The following NRG1 variants were observed in gnomAD, a reference collection of about 807,000 sequenced individuals.
NRG1 encodes pro-neuregulin-1, membrane-bound isoform.
Under a neutral mutation model 63.8 loss-of-function variants are expected in NRG1, and 18 were observed. That is an observed-to-expected ratio of 0.28 (90% CI 0.19 to 0.42). The LOEUF (loss-of-function observed/expected upper bound fraction) is 0.42, where lower values mean the gene tolerates loss of function less well. Among genes scored for constraint, NRG1 ranks in the 10% least tolerant of loss-of-function variants. The probability of loss-of-function intolerance (pLI) is 1.00; values close to 1 mark genes in which losing one functional copy is unlikely to be tolerated. For synonymous variants in NRG1, 302 were observed against 301.3 expected, an observed-to-expected ratio of 1.00 and a Z score of -0.02; for missense variants, 762 against 814.7, an observed-to-expected ratio of 0.94 and a Z score of 0.79.
chr8:31,975,943 C>A (rs999053134), intron 1 of NRG1, among the ~76,000 whole-genome samples: 4 of 152,050 alleles, frequency 2.6e-5, no homozygotes, highest in African/African-American at 9.7e-5. Flanking sequence ...GTTTCCTTTG[C>A]AATTGATTCC....
chr8:32,053,867 A>G (rs1254876055), intron 1 of NRG1, among the ~76,000 whole-genome samples: 1 of 152,198 alleles, frequency 6.6e-6, no homozygotes, highest in African/African-American at 2.4e-5. Context: ...TGTTTGTGGG[A>G]CAGCACAAAC....
chr8:31,899,111 T>C (rs1316948674), intron 1 of NRG1, among the ~76,000 whole-genome samples: 1 of 43,700 alleles, frequency 2.3e-5, no homozygotes, highest in Non-Finnish European at 4.9e-5. Context: ...TAAGTTTCCT[T>C]TTTTTTTTTT....
At chr8:31,740,540 T>G (rs754242968) in intron 1 of NRG1, among the ~76,000 whole-genome samples, 93 of 152,172 alleles carry the variant, frequency 6.1e-4, no homozygotes, top group Non-Finnish European at 4.4e-4. Flanking sequence ...AAGGCCATAC[T>G]TAACCAAAAT....
intron 1 of NRG1, among the ~76,000 whole-genome samples, chr8:32,519,514 T>C (rs2129505068): frequency 6.6e-6 from 1 of 152,086 alleles, no homozygotes; most frequent in South Asian, 2.1e-4. Flanking sequence ...AATAATGAGA[T>C]TATACGCAAG....
At chr8:31,761,889 G>A (rs1817598039) in intron 1 of NRG1, among the ~76,000 whole-genome samples, 1 of 152,108 alleles carries the variant, frequency 6.6e-6, no homozygotes, top group Admixed American at 6.6e-5. Flanking sequence ...AGATTTAATA[G>A]GTAAAAAATA....
chr8:32,520,125 C>T (rs917511049), intron 1 of NRG1, among the ~76,000 whole-genome samples: 1 of 152,080 alleles, frequency 6.6e-6, no homozygotes, highest in Non-Finnish European at 1.5e-5. Flanking sequence ...CTGGTGTGAA[C>T]TTGGAGAGCT....
intron 1 of NRG1, among the ~76,000 whole-genome samples, chr8:31,866,271 G>A (rs548000565): frequency 6.6e-6 from 1 of 152,174 alleles, no homozygotes; most frequent in Non-Finnish European, 1.5e-5. Context: ...GTTGAGAGGG[G>A]ACTGAGGAAA....
chr8:32,455,927 G>A (rs972095073), intron 1 of NRG1, among the ~76,000 whole-genome samples: 7 of 152,154 alleles, frequency 4.6e-5, no homozygotes, highest in Non-Finnish European at 7.3e-5. Context: ...GACTACAGGG[G>A]CACACCACCA....
chr8:31,851,523 A>C (rs1827215953), intron 1 of NRG1, among the ~76,000 whole-genome samples: 1 of 152,184 alleles, frequency 6.6e-6, no homozygotes, highest in South Asian at 2.1e-4. Context: ...ACATTGTTTT[A>C]TTAGGTGAGT....
upstream of NRG1, chr8:32,548,187 G>T: frequency 1.0e-6 from 1 of 975,698 alleles, no homozygotes; most frequent in South Asian, 4.7e-5. Context: ...GGGTGGGGGT[G>T]TGGTGGGGAA....
At chr8:32,189,740 G>C (rs187932474) in intron 1 of NRG1, among the ~76,000 whole-genome samples, 1 of 151,994 alleles carries the variant, frequency 6.6e-6, no homozygotes, top group African/African-American at 2.4e-5. Context: ...CTGCTAACTG[G>C]CCCCCCTGAG....
At chr8:32,336,853 A>G (rs1050076219) in intron 1 of NRG1, among the ~76,000 whole-genome samples, 4 of 151,544 alleles carry the variant, frequency 2.6e-5, no homozygotes, top group East Asian at 1.9e-4. Flanking sequence ...CAGGTGATCC[A>G]CCCGCCTCAG....
intron 1 of NRG1, among the ~76,000 whole-genome samples, chr8:32,104,223 A>G (rs910132195): frequency 1.3e-4 from 20 of 152,208 alleles, no homozygotes; most frequent in Non-Finnish European, 2.6e-4. Context: ...ATGTTACTGT[A>G]CTTAATACTG....
At chr8:32,680,616 C>T (rs756150841) in intron 5 of NRG1, among the ~76,000 whole-genome samples, 25 of 152,050 alleles carry the variant, frequency 1.6e-4, no homozygotes, top group Non-Finnish European at 3.1e-4. Flanking sequence ...CAGGACTGGA[C>T]TTTTTTAAGA....
intron 1 of NRG1, among the ~76,000 whole-genome samples, chr8:32,172,782 T>C (rs1840221557): frequency 6.6e-6 from 1 of 151,730 alleles, no homozygotes. Flanking sequence ...AGAAGAGAAG[T>C]TTAGAGAAAA....
intron 1 of NRG1, among the ~76,000 whole-genome samples, chr8:31,667,021 G>A (rs1806615799): frequency 6.6e-6 from 1 of 152,192 alleles, no homozygotes; most frequent in African/African-American, 2.4e-5. Flanking sequence ...GCCTTAGCAA[G>A]GTCACAGTGG....
At chr8:32,250,600 G>A (rs1008345722) in intron 1 of NRG1, among the ~76,000 whole-genome samples, 2 of 152,060 alleles carry the variant, frequency 1.3e-5, no homozygotes, top group Non-Finnish European at 2.9e-5. Context: ...TTCCACGAAT[G>A]CAATGCAACA....
chr8:32,686,548 A>G (rs576594200), intron 5 of NRG1, among the ~76,000 whole-genome samples: 37 of 152,232 alleles, frequency 2.4e-4, no homozygotes, highest in Admixed American at 3.9e-4. Context: ...ATAACTCAGA[A>G]GGTATAAAAG....
At chr8:32,190,917 A>C (rs1023197799) in intron 1 of NRG1, among the ~76,000 whole-genome samples, 1 of 152,104 alleles carries the variant, frequency 6.6e-6, no homozygotes, top group African/African-American at 2.4e-5. Context: ...GGTACCCCCA[A>C]ATTTTATAAT....
Sources: allele counts gnomAD v4.1 joint callset (sites outside exome capture counted in the v4.1 genomes callset), GRCh38; gene constraint gnomAD v4.1.1; transcripts MANE v1.5; gene names NCBI Gene and HGNC (gene_info 2026-07-23, HGNC 2026-07-21).